The following FATE1 variants were observed in gnomAD, a reference collection of about 807,000 sequenced individuals.
FATE1 encodes the protein fetal and adult testis expressed 1.
A neutral mutation model predicts 16.0 loss-of-function variants in FATE1; 18 were observed. The observed-to-expected ratio is 1.12, with a 90% CI of 0.78 to 1.66. The LOEUF (loss-of-function observed/expected upper bound fraction) is 1.66. Among genes scored for constraint, FATE1 ranks in the 40% most tolerant of loss-of-function variants. FATE1 has a pLI of 0.00. For synonymous variants in FATE1, 76 were observed against 56.9 expected (o/e 1.34, Z -1.51); for missense variants, 169 against 152.7 (o/e 1.11, Z -0.56).
Position 151,716,035 on chromosome X carries a change from AGAGGT to A in FATE1, c.-82_-78del. The A allele has an allele frequency of 1.2e-6, 1 of 802,910 alleles. No individual in the cohort carries two copies. The highest frequency in any genetic ancestry group is 1.8e-6 in the Non-Finnish European group (1 of 559,470). The allele number at this position is 802,910 out of a possible 1,213,427, so 66.2% of individuals were successfully genotyped here. A position where few individuals can be genotyped will look rare whatever the true frequency, so the allele number is the denominator to read the frequency against. On this transcript the variant is annotated 5_prime_UTR_variant, in exon 1 of 5. Transcript: ENST00000370350. ...TCTTCCTTGAGCTCCTGTTTCCGGA[AGAGGT>A]GATTTTCTGAGTGTGACTCCTCTGT...
At position 151,721,883 on chromosome X, in the gene FATE1, C is replaced by T. The variant is rs372924173; in HGVS notation, c.342-20C>T. Reference sequence around the variant, plus strand: ...AGGGACCACCAGCAGCTTTGACCATCTGTCTTTTTTCTCTCCCAGCAACCC... The same window carrying T: ...AGGGACCACCAGCAGCTTTGACCATTTGTCTTTTTTCTCTCCCAGCAACCC... On this transcript the variant is annotated intron_variant, in intron 3 of 4. Transcript: ENST00000370350. 1.0e-4 allele frequency: 120 copies of T among 1,203,913 alleles called. No individual in the cohort carries two copies. Among genetic ancestry groups the T allele is most frequent in the Non-Finnish European group, 1.3e-4 (115 of 890,478 alleles).
intron 2 of FATE1, among the ~76,000 whole-genome samples, chrX:151,718,176 A>AAAG (rs2015081740): frequency 2.1e-5 from 2 of 94,898 alleles, no homozygotes; most frequent in African/African-American, 8.0e-5. Context: ...AAGGAAGGGG[A>AAAG]AAAGAAAGGA....
At chrX:151,720,411 C>G (rs907128307) in intron 2 of FATE1, among the ~76,000 whole-genome samples, 10 of 111,833 alleles carry the variant, frequency 8.9e-5, no homozygotes, top group African/African-American at 2.9e-4. Flanking sequence ...GTTTTACTGT[C>G]TTCACTGGCA....
Sources: gnomAD v4.1 joint callset for allele counts (sites outside exome capture counted in the v4.1 genomes callset) on GRCh38, gnomAD v4.1.1 for gene constraint, MANE v1.5 for transcripts, NCBI Gene and HGNC (gene_info 2026-07-23, HGNC 2026-07-21) for gene names.